The following CETN3 variants were observed in gnomAD, a reference collection of about 807,000 sequenced individuals.
CETN3 encodes centrin-3.
Under a neutral mutation model 20.1 loss-of-function variants are expected in CETN3, and 17 were observed. The ratio of observed to expected loss-of-function variants is 0.85; its 90% CI spans 0.58 to 1.27. CETN3 has a LOEUF of 1.27. Among genes scored for constraint, CETN3 ranks in the 50% most tolerant of loss-of-function variants. The pLI, the probability that CETN3 is intolerant of heterozygous loss-of-function variation, is 0.00. For synonymous variants in CETN3, 52 were observed against 59.7 expected, an observed-to-expected ratio of 0.87 and a Z score of 0.59; for missense variants, 169 against 191.2, an observed-to-expected ratio of 0.88 and a Z score of 0.69.
At chr5:90,398,586 T>C (rs751745335) in intron 4 of CETN3, among the ~76,000 whole-genome samples, 8 of 152,194 alleles carry the variant, frequency 5.3e-5, no homozygotes, top group Non-Finnish European at 1.0e-4. Context: ...GGATAGCATA[T>C]GTTGACAAAA....
At chr5:90,401,464 A>G (rs1749287173) in intron 3 of CETN3, among the ~76,000 whole-genome samples, 1 of 152,218 alleles carries the variant, frequency 6.6e-6, no homozygotes, top group African/African-American at 2.4e-5. Context: ...GTATTTTCAA[A>G]TGATTTAATT....
chr5:90,400,290 T>C (rs1034564319), intron 3 of CETN3, among the ~76,000 whole-genome samples: 1 of 152,148 alleles, frequency 6.6e-6, no homozygotes, highest in Non-Finnish European at 1.5e-5. Flanking sequence ...ATAAATGTAG[T>C]TTCAAACCTC....
Position 90,404,702 on chromosome 5 carries a change from A to G in CETN3, c.268+983T>C, listed in dbSNP as rs540514533. ...AAACTGACTAATGACATGAATCTAA[A>G]TTTTCTCTGCGTCTACTAATTGCCA... On this transcript the variant is annotated intron_variant, in intron 3 of 4. Coordinates refer to ENST00000283122, the MANE Select transcript of CETN3 (RefSeq NM_004365.4). Among the ~76,000 whole-genome samples the G allele has an allele frequency of 2.0e-5, 3 of 152,166 alleles. No homozygotes were observed. In the East Asian group the frequency reaches 5.8e-4, roughly 29 times the overall value.
intron 3 of CETN3, 113 bp from the exon 4 acceptor site, chr5:90,399,662 G>T: frequency 1.3e-6 from 1 of 794,326 alleles, no homozygotes; most frequent in South Asian, 1.9e-5. Context: ...TCAACTTTTA[G>T]TCTGACAATA....
At position 90,393,901 on chromosome 5, in the gene CETN3, A is replaced by G; in HGVS notation, c.*163T>C. 1.8e-6 allele frequency: 1 copy of G among 557,456 alleles called. No homozygotes were observed. Among genetic ancestry groups the G allele is most frequent in the East Asian group, 3.2e-5 (1 of 31,292 alleles). 34.5% of individuals were successfully genotyped at this position (557,456 alleles called of 1,614,324 possible). On this transcript the variant is annotated 3_prime_UTR_variant, in exon 5 of 5. Transcript: ENST00000283122. ...TATCTGAGTACTAACAACACAGTTC[A>G]TACAAAGAAACTTAACAGTAGTAAA... is the stretch of plus-strand genomic sequence containing the variant.
In CETN3 at chr5:90,399,445, G is replaced by A. The variant is rs1343495325; in HGVS notation, c.373C>T (p.Arg125Cys). Reference sequence around the variant, plus strand: ...TTTTCACCCAATTCTCTAGCAACACGTCGCAAATTCCTCAAGCTTATTTTA... The same window carrying A: ...TTTTCACCCAATTCTCTAGCAACACATCGCAAATTCCTCAAGCTTATTTTA... Reference protein sequence around the residue: ...SGKISLRNLRRVARELGENMS... With the variant: ...SGKISLRNLRCVARELGENMS... Residue 125 changes from arginine (R) to cysteine (C), a missense_variant, in exon 4 of 5, where the codon CGT becomes TGT. Arg to Cys is a radical substitution (Grantham distance 180). Coordinates refer to ENST00000283122, the MANE Select transcript of CETN3 (RefSeq NM_004365.4). 1 of 1,613,776 alleles carries A rather than the reference G, an allele frequency of 6.2e-7. No homozygotes were observed. Among genetic ancestry groups the A allele is most frequent in the African/African-American group, 1.3e-5 (1 of 74,888 alleles).
At chr5:90,403,990 G>GA (rs956808917) in intron 3 of CETN3, among the ~76,000 whole-genome samples, 1 of 150,364 alleles carries the variant, frequency 6.7e-6, no homozygotes, top group Non-Finnish European at 1.5e-5. Context: ...TAGCCTTTAT[G>GA]AAAAAAGTCA....
chr5:90,403,875 G>GAAA (rs60385437), intron 3 of CETN3, among the ~76,000 whole-genome samples: 960 of 86,730 alleles, frequency 0.011, 59 homozygotes, highest in East Asian at 0.039. Flanking sequence ...TGTCTCAAAA[G>GAAA]AAAAAAAAAA....
chr5:90,408,141 T>C (rs1749511548), intron 1 of CETN3, among the ~76,000 whole-genome samples: 1 of 152,112 alleles, frequency 6.6e-6, no homozygotes, highest in Non-Finnish European at 1.5e-5. Flanking sequence ...TAAGCAACAC[T>C]ACTTTTATGT....
intron 4 of CETN3, chr5:90,396,369 G>A: frequency 7.4e-7 from 1 of 1,360,166 alleles, no homozygotes; most frequent in Non-Finnish European, 9.5e-7. Context: ...TTGATGTAGT[G>A]ATCTTTAACC....
At chr5:90,397,576 T>C (rs1000455198) in intron 4 of CETN3, among the ~76,000 whole-genome samples, 3 of 152,152 alleles carry the variant, frequency 2.0e-5, no homozygotes, top group African/African-American at 7.2e-5. Flanking sequence ...AATCTTAGAA[T>C]TGGAAGTTCC....
At chr5:90,405,487 A>T (rs776757074) in intron 3 of CETN3, 198 bp downstream of exon 3, 3 of 531,080 alleles carry the variant, frequency 5.6e-6, no homozygotes, top group Non-Finnish European at 9.8e-6. Flanking sequence ...AACAAAAGAC[A>T]AAACTATAAA....
chr5:90,409,380 G>C (rs1256307873), intron 1 of CETN3, among the ~76,000 whole-genome samples: 1 of 152,156 alleles, frequency 6.6e-6, no homozygotes, highest in Non-Finnish European at 1.5e-5. Context: ...CACCTCGCTC[G>C]CAACTAAGCC....
At chr5:90,409,531 T>C (rs1749567100) in intron 1 of CETN3, 114 bp downstream of exon 1, 1 of 1,303,028 alleles carries the variant, frequency 7.7e-7, no homozygotes, top group Admixed American at 1.7e-5. Context: ...CTTTCCCGCG[T>C]CCCAAACTAC....
At chr5:90,407,538 T>G (rs1274629275) in intron 2 of CETN3, among the ~76,000 whole-genome samples, 161 bp downstream of exon 2, 1 of 152,148 alleles carries the variant, frequency 6.6e-6, no homozygotes, top group African/African-American at 2.4e-5. Flanking sequence ...TTAGGAGTTC[T>G]CTTCAGTTTT....
intron 4 of CETN3, among the ~76,000 whole-genome samples, chr5:90,395,612 G>A (rs893791913): frequency 6.6e-6 from 1 of 152,156 alleles, no homozygotes; most frequent in African/African-American, 2.4e-5. Flanking sequence ...GGGATTACAG[G>A]CATGGGCCAT....
rs551845282 is a variant in CETN3 at position 90,393,602 on chromosome 5, T to C, written c.*462A>G. ...GAAAAATGTGCCACTCTATTGCTAA[T>C]TGTATTTCAATTTTTGTTTCAGAAA... On this transcript the variant is annotated 3_prime_UTR_variant, in exon 5 of 5. Transcript: ENST00000283122. 2 of 152,394 alleles carry C rather than the reference T, an allele frequency of 1.3e-5. No homozygotes were observed. The highest frequency in any genetic ancestry group is 2.1e-4 in the South Asian group (1 of 4,826). The allele number at this position is 152,394 out of a possible 1,614,324, so 9.4% of individuals were successfully genotyped here.
rs1350235438 is a variant in CETN3, at chr5:90,393,045, T to C, written c.*1019A>G. ...AGAGCCCATAACACCGAGTACTAGATATGAGTGAAGGATCCATATAGGTAC... is the reference window on the plus strand; with the variant it reads ...AGAGCCCATAACACCGAGTACTAGACATGAGTGAAGGATCCATATAGGTAC... On this transcript the variant is annotated 3_prime_UTR_variant, in exon 5 of 5. Coordinates refer to ENST00000283122, the MANE Select transcript of CETN3 (RefSeq NM_004365.4). The C allele has an allele frequency of 3.3e-5, 5 of 152,298 alleles. No homozygotes were observed. The highest frequency in any genetic ancestry group is 3.9e-4 in the East Asian group (2 of 5,174). 9.4% of individuals were successfully genotyped at this position (152,298 alleles called of 1,614,324 possible).
At chr5:90,395,057 G>C (rs1367671839) in intron 4 of CETN3, among the ~76,000 whole-genome samples, 2 of 152,074 alleles carry the variant, frequency 1.3e-5, no homozygotes, top group Non-Finnish European at 2.9e-5. Flanking sequence ...TTAAGACCTG[G>C]TCTCTAGTCA....
Sources: allele counts gnomAD v4.1 joint callset (sites outside exome capture counted in the v4.1 genomes callset), GRCh38; gene constraint gnomAD v4.1.1; transcripts MANE v1.5; gene names NCBI Gene and HGNC (gene_info 2026-07-23, HGNC 2026-07-21).